Variants in SPPL2B observed in about 807,000 individuals in gnomAD.
SPPL2B encodes signal peptide peptidase like 2B, also known as signal peptide peptidase-like 2B.
In SPPL2B, 39 loss-of-function variants were observed where a neutral mutation model predicts 59.7. The ratio of observed to expected loss-of-function variants is 0.65; its 90% confidence interval spans 0.51 to 0.85. SPPL2B has a LOEUF of 0.85. Among genes scored for constraint, SPPL2B ranks in the 40% least tolerant of loss-of-function variants. SPPL2B has a pLI of 0.00. For synonymous variants in SPPL2B, 419 were observed against 370.8 expected, an observed-to-expected ratio of 1.13 and a Z score of -1.49; for missense variants, 865 against 849.0, an observed-to-expected ratio of 1.02 and a Z score of -0.23.
intron 1 of SPPL2B, among the ~76,000 whole-genome samples, chr19:2,329,267 C>G (rs1007050965): frequency 6.6e-6 from 1 of 152,222 alleles, no homozygotes; most frequent in Non-Finnish European, 1.5e-5. Context: ...CATCCTGGAG[C>G]GGCCAGGAGT....
intron 12 of SPPL2B, among the ~76,000 whole-genome samples, chr19:2,345,022 C>A (rs1345941425): frequency 6.6e-6 from 1 of 152,084 alleles, no homozygotes; most frequent in Middle Eastern, 3.2e-3. Context: ...CAGGGTCCTG[C>A]CAGGTGTGTC....
intron 6 of SPPL2B, 46 bp downstream of exon 6, chr19:2,340,012 G>T: frequency 6.4e-7 from 1 of 1,554,312 alleles, no homozygotes; most frequent in Non-Finnish European, 8.7e-7. Flanking sequence ...GATGCAGCCC[G>T]CCCCGTGCGG....
intron 1 of SPPL2B, among the ~76,000 whole-genome samples, chr19:2,333,923 G>T (rs1023034524): frequency 2.0e-5 from 3 of 152,236 alleles, no homozygotes; most frequent in Non-Finnish European, 4.4e-5. Flanking sequence ...GCTGGTGGCA[G>T]CGTGACCTGT....
At chr19:2,352,203 C>T (rs570621169) in intron 14 of SPPL2B, among the ~76,000 whole-genome samples, 4 of 152,272 alleles carry the variant, frequency 2.6e-5, no homozygotes, top group African/African-American at 7.2e-5. Flanking sequence ...TCCAGTGTGC[C>T]GCTCAGGTGA....
chr19:2,344,045 C>T lies in SPPL2B; in HGVS notation c.1113+6C>T, dbSNP rs552966920. 2.6e-5 allele frequency: 40 copies of T among 1,543,414 alleles called. No individual in the cohort carries two copies. The highest frequency in any genetic ancestry group is 1.4e-4 in the Admixed American group (7 of 50,910). ...TCACGCCCTTCCTGACCAAGGTAGG[C>T]GACTGCCTGTCCCTGCTCCACCCCA... On this transcript the variant is annotated splice_donor_region_variant and intron_variant, in intron 10 of 14. Coordinates refer to ENST00000613503, the MANE Select transcript of SPPL2B (RefSeq NM_152988.3).
Position 2,332,021 on chromosome 19 carries a change from C to T in SPPL2B, c.67-2581C>T, listed in dbSNP as rs537319430. Among the ~76,000 whole-genome samples the T allele has an allele frequency of 2.6e-5, 4 of 152,240 alleles. No individual in the cohort carries two copies. The highest frequency in any genetic ancestry group is 2.1e-4 in the South Asian group (1 of 4,832). On this transcript the variant is annotated intron_variant, in intron 1 of 14. Transcript: ENST00000613503. This position sits in a 1 kb window ranked among gnomAD's most constrained non-coding sequence, Gnocchi z 4.6. ...AAGGGGCACCCTCCGGGCTCGGCAC[C>T]GGGGCCAGACTAAGGGGTGCTCTCA...
At chr19:2,334,856 AG>A in intron 2 of SPPL2B, 135 bp downstream of exon 2, 1 of 1,207,242 alleles carries the variant, frequency 8.3e-7, no homozygotes, top group East Asian at 2.8e-5. Flanking sequence ...GGGGACTCTT[AG>A]CTGGCCCCCA....
intron 1 of SPPL2B, chr19:2,330,294 T>TTTTC (rs1555747248): frequency 1.3e-5 from 2 of 151,006 alleles, no homozygotes; most frequent in Non-Finnish European, 3.0e-5. Flanking sequence ...TTTTTTTTTT[T>TTTTC]AGTAGAGACG....
At position 2,337,552 on chromosome 19, in the gene SPPL2B, C is replaced by T; in HGVS notation, c.296C>T (p.Thr99Ile). The change falls in exon 3 of 15, where the codon ACC (threonine) becomes ATC (isoleucine). Residue 99 changes from threonine to isoleucine, a missense_variant. By Grantham distance (89) the Thr-to-Ile change is moderately conservative. Transcript: ENST00000613503. ...QIPLVARGNC[T>I]FYEKVRLAQG... is the part of the protein sequence containing the mutation. ...CCGCTGGTGGCGCGGGGGAACTGCA[C>T]CTTCTATGAGAAAGTGAGGCTGGCC... is the stretch of plus-strand genomic sequence containing the variant. 6.2e-7 allele frequency: 1 copy of T among 1,612,436 alleles called. No homozygotes were observed. The highest frequency in any genetic ancestry group is 8.5e-7 in the Non-Finnish European group (1 of 1,179,578).
At position 2,335,454 on chromosome 19, in the gene SPPL2B, G is replaced by A. The variant is rs556938715; in HGVS notation, c.186+733G>A. On this transcript the variant is annotated intron_variant, in intron 2 of 14. Transcript: ENST00000613503. ...TTTCCCACTGCATGCTTCAGGCCCC[G>A]CCTCCTTTCTCATTGCATCCTTCAG... 8.2e-5 allele frequency among the ~76,000 whole-genome samples: 11 copies of A among 133,776 alleles called. 1 individual carries two copies. Among genetic ancestry groups the A allele is most frequent in the East Asian group, 4.5e-4 (2 of 4,474 alleles). The allele number at this position is 133,776 out of a possible 152,430, so 87.8% of individuals were successfully genotyped here.
intron 13 of SPPL2B, among the ~76,000 whole-genome samples, chr19:2,348,860 C>T (rs866741718): frequency 5.9e-4 from 88 of 148,118 alleles, no homozygotes; most frequent in Non-Finnish European, 9.9e-4. Flanking sequence ...CACACTCACG[C>T]GCTGTCATTC....
intron 2 of SPPL2B, among the ~76,000 whole-genome samples, chr19:2,335,969 G>T (rs1009547572): frequency 2.1e-4 from 31 of 148,064 alleles, no homozygotes; most frequent in Non-Finnish European, 2.7e-4. Context: ...GTGTTTTTTT[G>T]TGTGTGAACA....
chr19:2,340,251 C>T (rs1968947700), intron 7 of SPPL2B, 79 bp downstream of exon 7: 2 of 1,137,518 alleles, frequency 1.8e-6, no homozygotes, highest in South Asian at 3.1e-5. Context: ...CCATAGCCCC[C>T]CATGGTGCAA....
chr19:2,351,859 G>T (rs1481119910), intron 14 of SPPL2B, among the ~76,000 whole-genome samples: 1 of 151,782 alleles, frequency 6.6e-6, no homozygotes, highest in Non-Finnish European at 1.5e-5. Context: ...GGGGCCCAGG[G>T]GTGCCGGGTG....
At chr19:2,343,098 G>C in intron 8 of SPPL2B, 113 bp from the exon 9 acceptor site, 1 of 794,084 alleles carries the variant, frequency 1.3e-6, no homozygotes, top group Non-Finnish European at 2.1e-6. Flanking sequence ...AGGTGGAAGG[G>C]CAGTGGGGCT....
chr19:2,343,778 T>C (rs2145176696), intron 9 of SPPL2B, among the ~76,000 whole-genome samples, 187 bp from the exon 10 acceptor site: 1 of 152,276 alleles, frequency 6.6e-6, no homozygotes, highest in Admixed American at 6.5e-5. Flanking sequence ...GCCTGACTTT[T>C]GCCCGTAAAT....
rs1970019375 is a variant in SPPL2B, at chr19:2,353,053, C to G, written c.1623C>G (p.Ala541=). The change falls in exon 15 of 15, where the codon GCC becomes GCG. Residue 541 remains alanine, a synonymous_variant. Transcript: ENST00000613503. ...LSPQPPSEEP[A]TSPWPAEQSP... ...CGCAGCCGCCCAGCGAAGAACCAGC[C>G]ACATCCCCCTGGCCTGCTGAGCAGT... The G allele has an allele frequency of 6.2e-7, 1 of 1,612,154 alleles. No homozygotes were observed.
chr19:2,334,002 G>C (rs1968423584), intron 1 of SPPL2B, among the ~76,000 whole-genome samples: 2 of 152,228 alleles, frequency 1.3e-5, no homozygotes, highest in Admixed American at 6.5e-5. Flanking sequence ...GCTTCCTGCT[G>C]TTCTACCAGT....
chr19:2,339,074 C>T lies in SPPL2B; in HGVS notation c.465C>T (p.Phe155=), dbSNP rs368298094. Residue 155 remains phenylalanine, a synonymous_variant, in exon 5 of 15, where the codon TTC becomes TTT. Transcript: ENST00000613503. Reference sequence around the variant, plus strand: ...CGGTGTGTTCCTTGAGGCAGCGTTTCGGCCGCACGGTGAGGGCGGCGCTGT... The same window carrying T: ...CGGTGTGTTCCTTGAGGCAGCGTTTTGGCCGCACGGTGAGGGCGGCGCTGT... ...YKDMLDIFTR[F]GRTVRAALYA... is the part of the protein sequence containing the mutation. The T allele has an allele frequency of 2.2e-4, 335 of 1,556,664 alleles. 2 individuals carry two copies. The South Asian group carries it at 2.8e-3, about 13-fold the overall frequency.
Sources: gnomAD v4.1 joint callset for allele counts (sites outside exome capture counted in the v4.1 genomes callset) on GRCh38, gnomAD v4.1.1 for gene constraint, Gnocchi (gnomAD v3.1) non-coding constraint, MANE v1.5 for transcripts, NCBI Gene and HGNC (gene_info 2026-07-23, HGNC 2026-07-21) for gene names.